The following TCF4 variants were observed in gnomAD, a reference collection of about 807,000 sequenced individuals.
The protein encoded by TCF4 is SL3-3 enhancer factor 2.
TCF4 carries 3 observed loss-of-function variants against 82.1 expected under a neutral mutation model. That is an observed-to-expected ratio of 0.04 (90% CI 0.02 to 0.09). The LOEUF (loss-of-function observed/expected upper bound fraction) is 0.09. Among genes scored for constraint, TCF4 ranks in the 10% least tolerant of loss-of-function variants. The probability of loss-of-function intolerance (pLI) is 1.00; values close to 1 mark genes in which losing one functional copy is unlikely to be tolerated. For missense variants in TCF4, 518 were observed against 852.7 expected (o/e 0.61, Z 4.89); for synonymous variants, 276 against 309.6 (o/e 0.89, Z 1.14).
Position 55,234,577 on chromosome 18 carries a change from T to G in TCF4, c.1457A>C (p.Asp486Ala). 1 of 1,613,962 alleles carries G rather than the reference T, an allele frequency of 6.2e-7. No individual in the cohort carries two copies. The highest frequency in any genetic ancestry group is 8.5e-7 in the Non-Finnish European group (1 of 1,179,976). ...QLPVQSATSP[D>A]LNPPQDPYRG... is the part of the protein sequence containing the mutation. ...GTAAGGGTCCTGGGGTGGGTTCAGG[T>G]CAGGGGAAGTCGCAGACTGGACAGG... The change falls in exon 16 of 20, where the codon GAC (aspartate) becomes GCC (alanine). Residue 486 changes from aspartate to alanine, a missense_variant. By Grantham distance (126) the Asp-to-Ala change is moderately radical. Around this residue, in one of 7 missense-constraint regions of TCF4, gnomAD observed 144 missense variants for 190.2 expected, o/e 0.76. Transcript: ENST00000354452.
intron 11 of TCF4, chr18:55,265,602 T>G (rs898390837): frequency 6.6e-6 from 1 of 152,180 alleles, no homozygotes; most frequent in African/African-American, 2.4e-5. Flanking sequence ...TTCTTATTAC[T>G]CTTATGCTCT....
intron 5 of TCF4, among the ~76,000 whole-genome samples, chr18:55,443,910 C>T (rs563181522): frequency 1.5e-4 from 23 of 152,262 alleles, no homozygotes; most frequent in Middle Eastern, 3.4e-3. Context: ...ACCTCATTTA[C>T]TTCACCCAAC....
intron 6 of TCF4, among the ~76,000 whole-genome samples, chr18:55,382,311 T>G (rs2092033799): frequency 6.6e-6 from 1 of 151,886 alleles, no homozygotes; most frequent in African/African-American, 2.4e-5. Context: ...AGTCACTTAG[T>G]CACGTAGCCT....
intron 6 of TCF4, among the ~76,000 whole-genome samples, chr18:55,379,031 C>T (rs1409811149): frequency 6.6e-6 from 1 of 152,170 alleles, no homozygotes; most frequent in Non-Finnish European, 1.5e-5. Context: ...ATGTCACACT[C>T]TCAGTTATGT....
At chr18:55,598,436 G>A (rs757597780) in intron 2 of TCF4, among the ~76,000 whole-genome samples, 29 of 152,016 alleles carry the variant, frequency 1.9e-4, no homozygotes, top group East Asian at 3.8e-4. Flanking sequence ...TGCACAGAAC[G>A]CGCAGGTTTG....
chr18:55,273,757 C>T (rs2060883330), intron 10 of TCF4, among the ~76,000 whole-genome samples: 1 of 152,138 alleles, frequency 6.6e-6, no homozygotes, highest in Non-Finnish European at 1.5e-5. Flanking sequence ...ATATAGCCTA[C>T]TGGGTTACTA....
At chr18:55,321,540 A>C (rs1229898512) in intron 8 of TCF4, 2 of 1,353,306 alleles carry the variant, frequency 1.5e-6, no homozygotes, top group Non-Finnish European at 1.0e-6. Flanking sequence ...CAAATGATAA[A>C]TATTTCATGG....
At chr18:55,412,571 ATT>A (rs910900270) in intron 5 of TCF4, among the ~76,000 whole-genome samples, 2 of 152,100 alleles carry the variant, frequency 1.3e-5, no homozygotes, top group Non-Finnish European at 2.9e-5. Flanking sequence ...TGGTTCGTTC[ATT>A]TAAAAGGGTC....
At chr18:55,574,806 C>CTGAATGAA (rs551154556) in intron 3 of TCF4, among the ~76,000 whole-genome samples, 1 of 151,766 alleles carries the variant, frequency 6.6e-6, no homozygotes, top group African/African-American at 2.4e-5. Context: ...AAAACTTTCA[C>CTGAATGAA]TGAATGAATG....
intron 3 of TCF4, among the ~76,000 whole-genome samples, chr18:55,532,944 A>C (rs957620150): frequency 1.3e-5 from 2 of 152,182 alleles, no homozygotes; most frequent in African/African-American, 4.8e-5. Context: ...GATGTACATA[A>C]AGGTATTATA....
rs1214705582 is a variant in TCF4 at position 55,400,929 on chromosome 18, G to T, written c.369+2525C>A. 9 of 1,283,880 alleles carry T rather than the reference G, an allele frequency of 7.0e-6. No individual in the cohort carries two copies. The Admixed American group carries it at 1.6e-4, about 23-fold the overall frequency. 79.5% of individuals were successfully genotyped at this position (1,283,880 alleles called of 1,614,324 possible). ...GCTCCTTAGGGCACACCATCTGAAG[G>T]TTTCCTATTCCGTATCTCAATCATG... On this transcript the variant is annotated intron_variant, in intron 6 of 19. Coordinates refer to ENST00000354452, the MANE Select transcript of TCF4 (RefSeq NM_001083962.2).
chr18:55,415,402 C>T (rs2094491036), intron 5 of TCF4, among the ~76,000 whole-genome samples: 1 of 152,054 alleles, frequency 6.6e-6, no homozygotes, highest in African/African-American at 2.4e-5. Flanking sequence ...AAAACCCAAC[C>T]TTGAAAAGTA....
intron 8 of TCF4, among the ~76,000 whole-genome samples, chr18:55,346,464 C>G (rs1043900156): frequency 1.3e-5 from 2 of 152,126 alleles, no homozygotes; most frequent in Non-Finnish European, 2.9e-5. Flanking sequence ...ACACAAAACC[C>G]CTCTGTACTT....
At chr18:55,328,395 TAAC>T (rs994945208) in intron 8 of TCF4, among the ~76,000 whole-genome samples, 19 of 150,346 alleles carry the variant, frequency 1.3e-4, no homozygotes, top group African/African-American at 3.2e-4. Context: ...AAAAAAAAAA[TAAC>T]AAACCCTTAT....
chr18:55,443,295 A>G (rs912587610), intron 5 of TCF4, among the ~76,000 whole-genome samples: 6 of 152,180 alleles, frequency 3.9e-5, no homozygotes, highest in African/African-American at 7.2e-5. Context: ...TAGCTTGTTT[A>G]TCACAAGAAT....
intron 8 of TCF4, among the ~76,000 whole-genome samples, chr18:55,328,706 T>G (rs893136867): frequency 6.6e-6 from 1 of 152,194 alleles, no homozygotes; most frequent in Admixed American, 6.5e-5. Flanking sequence ...TGAAGGATGA[T>G]AGTTGAGAAA....
chr18:55,514,799 G>T (rs1325233243), intron 3 of TCF4, among the ~76,000 whole-genome samples: 2 of 151,976 alleles, frequency 1.3e-5, no homozygotes, highest in Non-Finnish European at 2.9e-5. Context: ...CAAAGCAATT[G>T]ATGTATATTA....
At chr18:55,392,961 A>T (rs2093261902) in intron 6 of TCF4, among the ~76,000 whole-genome samples, 1 of 152,242 alleles carries the variant, frequency 6.6e-6, no homozygotes, top group African/African-American at 2.4e-5. Context: ...ACATAACTTA[A>T]AATAAGTTTA....
chr18:55,565,628 G>T (rs1179726805), intron 3 of TCF4, among the ~76,000 whole-genome samples: 1 of 152,170 alleles, frequency 6.6e-6, no homozygotes, highest in Non-Finnish European at 1.5e-5. Context: ...TTAAGTGAGG[G>T]TTAGTAGAAA....
Sources: gnomAD v4.1 joint callset for allele counts (sites outside exome capture counted in the v4.1 genomes callset) on GRCh38, gnomAD v4.1.1 for gene constraint, gnomAD v4.1.1 regional missense constraint, MANE v1.5 for transcripts, NCBI Gene and HGNC (gene_info 2026-07-23, HGNC 2026-07-21) for gene names.